Variants in BCL2 observed in about 807,000 individuals in gnomAD.
The protein encoded by BCL2 is apoptosis regulator Bcl-2.
A neutral mutation model predicts 14.2 loss-of-function variants in BCL2; 1 was observed. That is an observed-to-expected ratio of 0.07 (90% confidence interval 0.02 to 0.33). BCL2 has a LOEUF of 0.33. Among genes scored for constraint, BCL2 ranks in the 10% least tolerant of loss-of-function variants. BCL2 has a pLI of 0.99. For missense variants in BCL2, 247 were observed against 305.9 expected (o/e 0.81, Z 1.44); for synonymous variants, 151 against 137.2 (o/e 1.10, Z -0.70).
chr18:63,132,729 A>T (rs1410778327), intron 2 of BCL2, among the ~76,000 whole-genome samples: 3 of 152,184 alleles, frequency 2.0e-5, no homozygotes, highest in Admixed American at 6.5e-5. Context: ...CTGATTTTTC[A>T]AACATCCTGA....
In BCL2 at chr18:63,318,966, G is replaced by GA; in HGVS notation, c.-286-15dup. The GA allele has an allele frequency of 1.6e-6, 2 of 1,282,156 alleles. No homozygotes were observed. Among genetic ancestry groups the GA allele is most frequent in the South Asian group, 2.0e-5 (1 of 50,496 alleles). 79.4% of individuals were successfully genotyped at this position (1,282,156 alleles called of 1,614,324 possible). On this transcript the variant is annotated splice_polypyrimidine_tract_variant and intron_variant, in intron 1 of 2. Transcript: ENST00000333681. The surrounding 1 kb of genome is among the most constrained non-coding windows in gnomAD (Gnocchi z 7.4). ...TCCTCTGTGATGCTGAAAGGTTAAAGAAAAAACAAACTAATAAGTAAAAAA... is the reference window on the plus strand; with the variant it reads ...TCCTCTGTGATGCTGAAAGGTTAAAGAAAAAAACAAACTAATAAGTAAAAAA...
Position 63,318,067 on chromosome 18 carries a change from A to G in BCL2, c.585+15T>C, listed in dbSNP as rs1390725787. 2.5e-6 allele frequency: 4 copies of G among 1,613,166 alleles called. No individual in the cohort carries two copies. Among genetic ancestry groups the G allele is most frequent in the Non-Finnish European group, 3.4e-6 (4 of 1,179,602 alleles). On this transcript the variant is annotated intron_variant, in intron 2 of 2. Transcript: ENST00000333681. The surrounding 1 kb of genome is among the most constrained non-coding windows in gnomAD (Gnocchi z 7.4). ...TGTGGCCTCAGCCCAGACTCACATCACCAAGTGCACCTACCCAGCCTCCGT... is the reference window on the plus strand; with the variant it reads ...TGTGGCCTCAGCCCAGACTCACATCGCCAAGTGCACCTACCCAGCCTCCGT...
In BCL2 at chr18:63,124,280, C is replaced by T. The variant is rs1913852544; in HGVS notation, c.*4345G>A. On this transcript the variant is annotated 3_prime_UTR_variant, in exon 3 of 3. Coordinates refer to ENST00000333681, the MANE Select transcript of BCL2 (RefSeq NM_000633.3). ...AACATTTAGAAACAGATGTCCCTAC[C>T]AACCAGAAGGTTGTCATTAAATATC... The T allele has an allele frequency of 4.4e-6, 1 of 226,818 alleles. No homozygotes were observed. The highest frequency in any genetic ancestry group is 8.8e-6 in the Non-Finnish European group (1 of 113,982). 14.1% of individuals were successfully genotyped at this position (226,818 alleles called of 1,614,324 possible).
At chr18:63,155,995 T>C (rs1464874687) in intron 2 of BCL2, among the ~76,000 whole-genome samples, 3 of 151,674 alleles carry the variant, frequency 2.0e-5, no homozygotes, top group Admixed American at 6.6e-5. Context: ...ACTCTTGTTC[T>C]TTTTCTTGCT....
At chr18:63,167,027 A>T (rs1011800655) in intron 2 of BCL2, among the ~76,000 whole-genome samples, 4 of 152,236 alleles carry the variant, frequency 2.6e-5, no homozygotes, top group African/African-American at 4.8e-5. Context: ...ATGTTGCAAC[A>T]TGAGAAGGTG....
intron 2 of BCL2, among the ~76,000 whole-genome samples, chr18:63,223,410 A>G (rs1393256451): frequency 7.9e-6 from 1 of 126,976 alleles, no homozygotes; most frequent in East Asian, 2.0e-4. Flanking sequence ...AAAAAAAAAA[A>G]ATAAATAAAG....
intron 2 of BCL2, among the ~76,000 whole-genome samples, chr18:63,129,604 T>C (rs1193694981): frequency 1.3e-5 from 2 of 152,172 alleles, no homozygotes; most frequent in Non-Finnish European, 2.9e-5. Context: ...TCTTATGAAG[T>C]TATTTTATTT....
At chr18:63,140,148 C>T (rs1422824379) in intron 2 of BCL2, among the ~76,000 whole-genome samples, 4 of 152,072 alleles carry the variant, frequency 2.6e-5, no homozygotes, top group Non-Finnish European at 2.9e-5. Context: ...TAGATAATAA[C>T]AAGTGTTGGC....
intron 2 of BCL2, among the ~76,000 whole-genome samples, chr18:63,235,884 T>A (rs545891354): frequency 3.4e-4 from 52 of 152,010 alleles, no homozygotes; most frequent in African/African-American, 1.1e-3. Context: ...ATATATATAT[T>A]TTTAAATGTA....
chr18:63,269,482 A>G (rs1911939484), intron 2 of BCL2, among the ~76,000 whole-genome samples: 1 of 152,192 alleles, frequency 6.6e-6, no homozygotes, highest in Non-Finnish European at 1.5e-5. Context: ...ATTACATTAA[A>G]GAAATAGTCA....
chr18:63,134,449 C>T (rs1202040603), intron 2 of BCL2, among the ~76,000 whole-genome samples: 1 of 152,140 alleles, frequency 6.6e-6, no homozygotes, highest in African/African-American at 2.4e-5. Flanking sequence ...TAGACCCTGG[C>T]CCAGAAGAAC....
chr18:63,293,705 G>T (rs1035486664), intron 2 of BCL2, among the ~76,000 whole-genome samples: 1 of 152,120 alleles, frequency 6.6e-6, no homozygotes, highest in Non-Finnish European at 1.5e-5. Context: ...ATCATAACCA[G>T]TTTTCTCCAG....
intron 2 of BCL2, among the ~76,000 whole-genome samples, chr18:63,240,185 T>C (rs1161460413): frequency 6.6e-6 from 1 of 152,048 alleles, no homozygotes; most frequent in African/African-American, 2.4e-5. Context: ...GACGGGGTCT[T>C]GCCACCTTGC....
intron 2 of BCL2, among the ~76,000 whole-genome samples, chr18:63,172,710 G>A (rs1915253755): frequency 6.6e-6 from 1 of 152,204 alleles, no homozygotes; most frequent in Non-Finnish European, 1.5e-5. Context: ...GAACCTGGGA[G>A]GTGGAGCTGG....
At chr18:63,238,418 T>C (rs1223284194) in intron 2 of BCL2, among the ~76,000 whole-genome samples, 3 of 152,204 alleles carry the variant, frequency 2.0e-5, no homozygotes, top group Admixed American at 6.5e-5. Context: ...CCTAAGCATT[T>C]TGAGGCCTTC....
At chr18:63,306,006 T>C (rs1300153632) in intron 2 of BCL2, among the ~76,000 whole-genome samples, 1 of 151,992 alleles carries the variant, frequency 6.6e-6, no homozygotes, top group Non-Finnish European at 1.5e-5. Flanking sequence ...GCCCCGGAGT[T>C]CGAGGCAGCA....
intron 2 of BCL2, among the ~76,000 whole-genome samples, chr18:63,202,961 C>A (rs1463536342): frequency 6.6e-6 from 1 of 152,204 alleles, no homozygotes; most frequent in African/African-American, 2.4e-5. Context: ...CAAGAACAAG[C>A]GTCCTGGCCT....
At chr18:63,155,186 C>A (rs528595484) in intron 2 of BCL2, among the ~76,000 whole-genome samples, 8 of 152,140 alleles carry the variant, frequency 5.3e-5, no homozygotes, top group Admixed American at 3.9e-4. Context: ...CGGCACAGGG[C>A]GGGCAGAGGT....
chr18:63,165,874 A>G (rs190036856), intron 2 of BCL2, among the ~76,000 whole-genome samples: 1 of 152,306 alleles, frequency 6.6e-6, no homozygotes, highest in Non-Finnish European at 1.5e-5. Flanking sequence ...AACAGAGTTC[A>G]CTCCCAGGTT....
Sources: gnomAD v4.1 joint callset for allele counts (sites outside exome capture counted in the v4.1 genomes callset) on GRCh38, gnomAD v4.1.1 for gene constraint, Gnocchi (gnomAD v3.1) non-coding constraint, MANE v1.5 for transcripts, NCBI Gene and HGNC (gene_info 2026-07-23, HGNC 2026-07-21) for gene names.